The following LIN28A variants were observed in gnomAD, a reference collection of about 807,000 sequenced individuals.
LIN28A encodes the protein lin-28 RNA binding posttranscriptional regulator A.
A neutral mutation model predicts 21.1 loss-of-function variants in LIN28A; 11 were observed. That is an observed-to-expected ratio of 0.52 (90% CI 0.33 to 0.86). The LOEUF (loss-of-function observed/expected upper bound fraction) is 0.86. Among genes scored for constraint, LIN28A ranks in the 40% least tolerant of loss-of-function variants. LIN28A has a pLI of 0.03. For missense variants in LIN28A, 219 were observed against 279.8 expected, an observed-to-expected ratio of 0.78 and a Z score of 1.55; for synonymous variants, 111 against 108.7, an observed-to-expected ratio of 1.02 and a Z score of -0.13.
At chr1:26,421,926 T>G (rs2075030410) in intron 2 of LIN28A, among the ~76,000 whole-genome samples, 1 of 152,236 alleles carries the variant, frequency 6.6e-6, no homozygotes, top group South Asian at 2.1e-4. Flanking sequence ...GATAGTTTTT[T>G]TTTTGAAACC....
rs1216479775 is a variant in LIN28A at position 26,426,689 on chromosome 1, G to A, written c.*231G>A. The A allele has an allele frequency of 1.2e-5, 6 of 515,636 alleles. No homozygotes were observed. Among genetic ancestry groups the A allele is most frequent in the African/African-American group, 5.8e-5 (3 of 51,956 alleles). 31.9% of individuals were successfully genotyped at this position (515,636 alleles called of 1,614,324 possible). ...TGAGGGTTCTGGGGGCAACCAGGAG[G>A]GGGGAATCACCCTACAACCTGCATA... is the stretch of plus-strand genomic sequence containing the variant. On this transcript the variant is annotated 3_prime_UTR_variant, in exon 4 of 4. Transcript: ENST00000326279.
At chr1:26,416,743 G>A (rs780145637) in intron 2 of LIN28A, among the ~76,000 whole-genome samples, 8 of 151,940 alleles carry the variant, frequency 5.3e-5, no homozygotes, top group African/African-American at 9.7e-5. Context: ...TCAGCCACCC[G>A]AGTAGCTGGG....
chr1:26,423,911 C>T (rs907603302), intron 2 of LIN28A, among the ~76,000 whole-genome samples: 18 of 151,864 alleles, frequency 1.2e-4, no homozygotes, highest in African/African-American at 7.2e-5. Flanking sequence ...TACAGGCACC[C>T]GCCACCACGC....
At chr1:26,412,783 A>T (rs1178624756) in intron 2 of LIN28A, among the ~76,000 whole-genome samples, 2 of 152,152 alleles carry the variant, frequency 1.3e-5, no homozygotes, top group Middle Eastern at 3.4e-3. Flanking sequence ...GACTAGTTGG[A>T]GGCAGCAGGG....
chr1:26,415,384 C>T (rs1392393498), intron 2 of LIN28A, among the ~76,000 whole-genome samples: 1 of 152,126 alleles, frequency 6.6e-6, no homozygotes, highest in East Asian at 1.9e-4. Context: ...CGGAATCTTT[C>T]CTCCTGGTTT....
At chr1:26,425,108 T>C (rs1384434399) in intron 2 of LIN28A, among the ~76,000 whole-genome samples, 195 bp from the exon 3 acceptor site, 2 of 152,178 alleles carry the variant, frequency 1.3e-5, no homozygotes, top group Non-Finnish European at 2.9e-5. Flanking sequence ...CATCTGCTTA[T>C]ATAATTACGA....
chr1:26,413,627 C>T (rs943717365), intron 2 of LIN28A, among the ~76,000 whole-genome samples: 2 of 152,010 alleles, frequency 1.3e-5, no homozygotes, highest in Admixed American at 6.6e-5. Context: ...TCTCTCTAAT[C>T]CCCAGCTCTT....
intron 2 of LIN28A, among the ~76,000 whole-genome samples, chr1:26,419,138 T>C (rs2124294425): frequency 6.6e-6 from 1 of 151,732 alleles, no homozygotes; most frequent in Admixed American, 6.6e-5. Context: ...ATGGGGGTGG[T>C]ACAAGAATTT....
rs773132930 is a variant in LIN28A at position 26,426,378 on chromosome 1, G to T, written c.550G>T (p.Ala184Ser). 6.2e-7 allele frequency: 1 copy of T among 1,614,188 alleles called. No homozygotes were observed. Among genetic ancestry groups the T allele is most frequent in the Non-Finnish European group, 8.5e-7 (1 of 1,180,016 alleles). The change falls in exon 4 of 4, where the codon GCA becomes TCA. Residue 184 changes from alanine to serine, a missense_variant. By Grantham distance (99) the Ala-to-Ser change is moderately conservative (BLOSUM62 1). Coordinates refer to ENST00000326279, the MANE Select transcript of LIN28A (RefSeq NM_024674.6). ...CPLKAQQGPS[A>S]QGKPTYFREE... ...GCTGAAGGCCCAGCAGGGCCCTAGT[G>T]CACAGGGAAAGCCAACCTACTTTCG...
intron 2 of LIN28A, among the ~76,000 whole-genome samples, chr1:26,420,458 A>G (rs2124296441): frequency 6.6e-6 from 1 of 152,194 alleles, no homozygotes; most frequent in Non-Finnish European, 1.5e-5. Context: ...TACTAGAAAT[A>G]CAAAAATTAG....
chr1:26,421,465 T>C (rs2075028388), intron 2 of LIN28A, among the ~76,000 whole-genome samples: 1 of 152,234 alleles, frequency 6.6e-6, no homozygotes, highest in Admixed American at 6.5e-5. Flanking sequence ...AATCTACTTA[T>C]ATTATGTTGT....
At chr1:26,421,610 T>C (rs1211964482) in intron 2 of LIN28A, among the ~76,000 whole-genome samples, 1 of 152,254 alleles carries the variant, frequency 6.6e-6, no homozygotes, top group South Asian at 2.1e-4. Flanking sequence ...ATATGTATCA[T>C]ACAAAGTCTG....
chr1:26,420,450 C>A (rs2075022108), intron 2 of LIN28A, among the ~76,000 whole-genome samples: 1 of 151,956 alleles, frequency 6.6e-6, no homozygotes, highest in Non-Finnish European at 1.5e-5. Flanking sequence ...CCTGTCTCTA[C>A]TAGAAATACA....
intron 2 of LIN28A, among the ~76,000 whole-genome samples, chr1:26,423,016 T>C (rs917594543): frequency 2.6e-5 from 4 of 152,086 alleles, no homozygotes; most frequent in Non-Finnish European, 5.9e-5. Context: ...CACTACAACC[T>C]CCGCCTCATG....
chr1:26,412,753 G>A (rs543498295), intron 2 of LIN28A, among the ~76,000 whole-genome samples: 1 of 152,242 alleles, frequency 6.6e-6, no homozygotes, highest in African/African-American at 2.4e-5. Context: ...GGGAGGGGTA[G>A]AGAAGGGAGA....
Position 26,411,462 on chromosome 1 carries a change from G to T in LIN28A, c.108G>T (p.Gln36His). 6.2e-7 allele frequency: 1 copy of T among 1,613,432 alleles called. No individual in the cohort carries two copies. Among genetic ancestry groups the T allele is most frequent in the African/African-American group, 1.3e-5 (1 of 75,044 alleles). Reference sequence around the variant, plus strand: ...CGGCCCGGGCGGCGGACGAGCCTCAGCTGCTGCACGGTGCGGGCATCTGTA... The same window carrying T: ...CGGCCCGGGCGGCGGACGAGCCTCATCTGCTGCACGGTGCGGGCATCTGTA... The part of the protein sequence containing the change: ...EDAARAADEP[Q>H]LLHGAGICKW... Residue 36 changes from glutamine (Q) to histidine (H), a missense_variant, in exon 2 of 4, where the codon CAG becomes CAT. By Grantham distance (24) the Gln-to-His change is conservative (BLOSUM62 0). This residue lies in a region of LIN28A where 124 missense variants were observed against 193.1 expected (regional missense o/e 0.64). Transcript: ENST00000326279. The surrounding 1 kb of genome is among the most constrained non-coding windows in gnomAD (Gnocchi z 5.4).
At position 26,411,252 on chromosome 1, in the gene LIN28A, T is replaced by C. The variant is rs2074956818; in HGVS notation, c.32-134T>C. 13 of 888,266 alleles carry C rather than the reference T, an allele frequency of 1.5e-5. No homozygotes were observed. The South Asian group carries it at 2.1e-4, about 15-fold the overall frequency. 55.0% of individuals were successfully genotyped at this position (888,266 alleles called of 1,614,324 possible). A position where few individuals can be genotyped will look rare whatever the true frequency, so the allele number is the denominator to read the frequency against. Reference sequence around the variant, plus strand: ...GGCGACCGGGATAGGTTTCTTCTCTTCTGTTGCTTGGTAGCTGCCCCCTCC... The same window carrying C: ...GGCGACCGGGATAGGTTTCTTCTCTCCTGTTGCTTGGTAGCTGCCCCCTCC... On this transcript the variant is annotated intron_variant, in intron 1 of 3. Transcript: ENST00000326279. The surrounding 1 kb of genome is among the most constrained non-coding windows in gnomAD (Gnocchi z 5.4).
In LIN28A at chr1:26,410,887, C is replaced by G. The variant is rs375562093; in HGVS notation, c.-5C>G. 6.2e-7 allele frequency: 1 copy of G among 1,610,290 alleles called. No homozygotes were observed. Among genetic ancestry groups the G allele is most frequent in the Non-Finnish European group, 8.5e-7 (1 of 1,179,052 alleles). On this transcript the variant is annotated 5_prime_UTR_variant, in exon 1 of 4. Coordinates refer to ENST00000326279, the MANE Select transcript of LIN28A (RefSeq NM_024674.6). ...GGCCCGGGGCCACGGGCTCAGCCGACGACCATGGGCTCCGTGTCCAACCAG... is the reference window on the plus strand; with the variant it reads ...GGCCCGGGGCCACGGGCTCAGCCGAGGACCATGGGCTCCGTGTCCAACCAG...
intron 2 of LIN28A, among the ~76,000 whole-genome samples, chr1:26,424,522 A>G (rs2075046857): frequency 2.6e-5 from 4 of 152,150 alleles, no homozygotes; most frequent in Admixed American, 2.6e-4. Context: ...TTAAAGGCGT[A>G]AGCCACCGTG....
Sources: allele counts gnomAD v4.1 joint callset (sites outside exome capture counted in the v4.1 genomes callset), GRCh38; gene constraint gnomAD v4.1.1; regional missense constraint gnomAD v4.1.1; non-coding constraint Gnocchi (gnomAD v3.1); transcripts MANE v1.5; gene names NCBI Gene and HGNC (gene_info 2026-07-23, HGNC 2026-07-21).